The following GREM2 variants were observed in gnomAD, a reference collection of about 807,000 sequenced individuals.
GREM2 encodes gremlin 2, DAN family BMP antagonist.
In GREM2, 11 loss-of-function variants were observed where a neutral mutation model predicts 14.2. The ratio of observed to expected loss-of-function variants is 0.78; its 90% CI spans 0.49 to 1.28. The LOEUF is 1.28. Among genes scored for constraint, GREM2 ranks in the 50% most tolerant of loss-of-function variants. The probability of loss-of-function intolerance (pLI) is 0.00; values close to 1 mark genes in which losing one functional copy is unlikely to be tolerated. For synonymous variants in GREM2, 98 were observed against 97.6 expected, an observed-to-expected ratio of 1.00 and a Z score of -0.02; for missense variants, 210 against 218.5, an observed-to-expected ratio of 0.96 and a Z score of 0.24.
chr1:240,532,635 A>T (rs943898798), intron 1 of GREM2, among the ~76,000 whole-genome samples: 1 of 63,728 alleles, frequency 1.6e-5, no homozygotes, highest in Non-Finnish European at 4.1e-5. Context: ...TATATAAGAG[A>T]TATATATAGA....
At chr1:240,506,394 A>G (rs1415208067) in intron 1 of GREM2, among the ~76,000 whole-genome samples, 1 of 152,220 alleles carries the variant, frequency 6.6e-6, no homozygotes, top group Non-Finnish European at 1.5e-5. Flanking sequence ...AATTGAAACA[A>G]GAAGTCTGGT....
intron 1 of GREM2, among the ~76,000 whole-genome samples, chr1:240,532,011 G>C (rs1678373878): frequency 6.6e-6 from 1 of 152,062 alleles, no homozygotes; most frequent in South Asian, 2.1e-4. Context: ...CTTTGACCTA[G>C]AACTTAATCT....
intron 1 of GREM2, among the ~76,000 whole-genome samples, chr1:240,539,222 G>A (rs1012536515): frequency 6.6e-6 from 1 of 152,098 alleles, no homozygotes; most frequent in African/African-American, 2.4e-5. Flanking sequence ...CCCTACACAT[G>A]CCAAATTGGT....
intron 1 of GREM2, among the ~76,000 whole-genome samples, chr1:240,504,034 A>G (rs934365005): frequency 1.5e-4 from 23 of 152,172 alleles, no homozygotes; most frequent in African/African-American, 4.6e-4. Context: ...CATTTTTTCT[A>G]TTTTTAAAAA....
At chr1:240,603,303 T>C (rs999470259) in intron 1 of GREM2, among the ~76,000 whole-genome samples, 1 of 152,168 alleles carries the variant, frequency 6.6e-6, no homozygotes, top group Non-Finnish European at 1.5e-5. Flanking sequence ...AGGTATACAC[T>C]CAGGGACTCT....
intron 1 of GREM2, among the ~76,000 whole-genome samples, chr1:240,530,136 G>A (rs1326856751): frequency 1.3e-5 from 2 of 152,042 alleles, no homozygotes; most frequent in Non-Finnish European, 2.9e-5. Context: ...CTAGTTTCGT[G>A]GAACAATAAG....
intron 1 of GREM2, among the ~76,000 whole-genome samples, chr1:240,581,771 A>G (rs1402616446): frequency 1.3e-5 from 2 of 152,140 alleles, no homozygotes; most frequent in African/African-American, 4.8e-5. Flanking sequence ...ATGAGTTCTA[A>G]AATAAAATTT....
At chr1:240,597,436 C>T (rs949331854) in intron 1 of GREM2, among the ~76,000 whole-genome samples, 1 of 152,234 alleles carries the variant, frequency 6.6e-6, no homozygotes, top group African/African-American at 2.4e-5. Context: ...CTGAGAATAA[C>T]AAGCACATAA....
intron 1 of GREM2, among the ~76,000 whole-genome samples, chr1:240,496,948 G>C (rs1441462034): frequency 6.6e-6 from 1 of 152,088 alleles, no homozygotes; most frequent in African/African-American, 2.4e-5. Context: ...TTGAACCCGG[G>C]AGGCAGAGGT....
At chr1:240,520,817 G>A (rs781730957) in intron 1 of GREM2, among the ~76,000 whole-genome samples, 51 of 150,454 alleles carry the variant, frequency 3.4e-4, no homozygotes, top group Non-Finnish European at 6.3e-4. Flanking sequence ...TGCTGGAATT[G>A]TAGATGTGAG....
intron 1 of GREM2, among the ~76,000 whole-genome samples, chr1:240,503,945 T>G (rs1431309016): frequency 6.6e-6 from 1 of 152,184 alleles, no homozygotes; most frequent in African/African-American, 2.4e-5. Flanking sequence ...TAGAGCATAG[T>G]TTTAAATGTT....
At chr1:240,605,774 G>A (rs1680013115) in intron 1 of GREM2, among the ~76,000 whole-genome samples, 1 of 151,750 alleles carries the variant, frequency 6.6e-6, no homozygotes, top group Admixed American at 6.6e-5. Flanking sequence ...GGCCATCCCA[G>A]GGGAATGACA....
At chr1:240,519,384 AT>A (rs939453220) in intron 1 of GREM2, among the ~76,000 whole-genome samples, 2 of 122,178 alleles carry the variant, frequency 1.6e-5, no homozygotes, top group Non-Finnish European at 3.7e-5. Flanking sequence ...TGCCACCTTT[AT>A]TTTTTCATGC....
rs146058816 is a variant in GREM2, at chr1:240,514,319, C to G, written c.-1-20843G>C. On this transcript the variant is annotated intron_variant, in intron 1 of 1. Coordinates refer to ENST00000318160, the MANE Select transcript of GREM2 (RefSeq NM_022469.4). The stretch of plus-strand genomic sequence containing the variant: ...GTCACATATTCCATTAGAGGTGAGA[C>G]TGGAGCAAAGTTTTTGAAGTAAGCA... 7.7e-3 allele frequency among the ~76,000 whole-genome samples: 1,138 copies of G among 148,506 alleles called. 13 individuals carry two copies. The highest frequency in any genetic ancestry group is 0.027 in the African/African-American group (1,074 of 40,280).
Position 240,500,604 on chromosome 1 carries a change from C to T in GREM2, c.-1-7128G>A, listed in dbSNP as rs552482854. Among the ~76,000 whole-genome samples the T allele has an allele frequency of 1.2e-4, 19 of 152,194 alleles. No homozygotes were observed. In the South Asian group the frequency reaches 3.7e-3, roughly 30 times the overall value. On this transcript the variant is annotated intron_variant, in intron 1 of 1. Transcript: ENST00000318160. ...ACAAGCGTGAGCTGCCGTGCCCAGC[C>T]GATAATCTTTACATAAATTATATCA... is the stretch of plus-strand genomic sequence containing the variant.
intron 1 of GREM2, among the ~76,000 whole-genome samples, chr1:240,608,120 G>T (rs1456498663): frequency 6.6e-6 from 1 of 152,204 alleles, no homozygotes; most frequent in Admixed American, 6.5e-5. Flanking sequence ...AGATGTTACG[G>T]TTACAAGAAA....
At chr1:240,594,729 T>A (rs1679788441) in intron 1 of GREM2, among the ~76,000 whole-genome samples, 1 of 151,650 alleles carries the variant, frequency 6.6e-6, no homozygotes, top group Non-Finnish European at 1.5e-5. Context: ...TATATATATG[T>A]ATATATATAT....
chr1:240,535,059 G>A (rs1357012491), intron 1 of GREM2, among the ~76,000 whole-genome samples: 1 of 152,132 alleles, frequency 6.6e-6, no homozygotes, highest in Non-Finnish European at 1.5e-5. Context: ...AACTCCAAGA[G>A]AGGACTCTGT....
At chr1:240,579,761 C>T (rs1048572795) in intron 1 of GREM2, among the ~76,000 whole-genome samples, 8 of 152,144 alleles carry the variant, frequency 5.3e-5, no homozygotes, top group African/African-American at 7.2e-5. Flanking sequence ...AGCATTTGGG[C>T]TTTGAAGTGT....
Sources: allele counts gnomAD v4.1 joint callset (sites outside exome capture counted in the v4.1 genomes callset), GRCh38; gene constraint gnomAD v4.1.1; transcripts MANE v1.5; gene names NCBI Gene and HGNC (gene_info 2026-07-23, HGNC 2026-07-21).